Variants in MID1 observed in about 807,000 individuals in gnomAD.
The protein encoded by MID1 is E3 ubiquitin-protein ligase Midline-1.
In MID1, 7 loss-of-function variants were observed where a neutral mutation model predicts 40.4. The observed-to-expected ratio is 0.17, with a 90% CI of 0.10 to 0.33. MID1 has a LOEUF of 0.33. Among genes scored for constraint, MID1 ranks in the 10% least tolerant of loss-of-function variants. MID1 has a pLI of 1.00. For synonymous variants in MID1, 229 were observed against 221.2 expected (o/e 1.04, Z -0.31); for missense variants, 367 against 558.5 (o/e 0.66, Z 3.46).
At chrX:10,604,340 T>C (rs1192026307) in intron 1 of MID1, among the ~76,000 whole-genome samples, 1 of 111,522 alleles carries the variant, frequency 9.0e-6, no homozygotes, top group Non-Finnish European at 1.9e-5. Flanking sequence ...AAACCTGAAA[T>C]TTAAAAACAC....
At chrX:10,825,161 T>C (rs2044206853) in intron 1 of MID1, among the ~76,000 whole-genome samples, 1 of 111,943 alleles carries the variant, frequency 8.9e-6, no homozygotes, top group Non-Finnish European at 1.9e-5. Context: ...ACATAATGTG[T>C]GCCAAGAACA....
intron 1 of MID1, among the ~76,000 whole-genome samples, chrX:10,572,260 C>T (rs1219342940): frequency 1.8e-5 from 2 of 108,402 alleles, no homozygotes; most frequent in Non-Finnish European, 3.8e-5. Context: ...TCATTAATAA[C>T]AGTATCAGGC....
chrX:10,725,869 A>C (rs1337859965), intron 1 of MID1, among the ~76,000 whole-genome samples: 1 of 111,988 alleles, frequency 8.9e-6, no homozygotes, highest in Non-Finnish European at 1.9e-5. Flanking sequence ...AAAAAGAAGA[A>C]AGAAAGAAAA....
chrX:10,623,728 A>G (rs1390870804), upstream of MID1, among the ~76,000 whole-genome samples: 1 of 111,809 alleles, frequency 8.9e-6, no homozygotes, highest in Admixed American at 9.5e-5. Flanking sequence ...AATATCAGCA[A>G]TTTCACATAG....
chrX:10,472,754 T>C (rs1929782084), intron 6 of MID1, among the ~76,000 whole-genome samples: 1 of 111,661 alleles, frequency 9.0e-6, no homozygotes, highest in African/African-American at 3.3e-5. Context: ...AGCACAACAC[T>C]TGGAGGTGGA....
At chrX:10,747,762 G>A (rs907003675) in intron 1 of MID1, among the ~76,000 whole-genome samples, 2 of 111,983 alleles carry the variant, frequency 1.8e-5, no homozygotes, top group Non-Finnish European at 1.9e-5. Flanking sequence ...CCTGTTGTGT[G>A]TATTTAGAAT....
At position 10,482,491 on chromosome X, in the gene MID1, A is replaced by G; in HGVS notation, c.1002T>C (p.Asn334=). Residue 334 remains asparagine, a synonymous_variant, in exon 5 of 10, where the codon AAT becomes AAC. Transcript: ENST00000317552. ...GCCCCTGCACTCACCTCTCGGTGATATTCTTAGCAGTCTGTAGGAAACGCG... is the reference window on the plus strand; with the variant it reads ...GCCCCTGCACTCACCTCTCGGTGATGTTCTTAGCAGTCTGTAGGAAACGCG... The part of the protein sequence containing the change: ...DHARFLQTAK[N]ITERVSMATA... 1.7e-6 allele frequency: 2 copies of G among 1,210,739 alleles called. No individual in the cohort carries two copies. Among genetic ancestry groups the G allele is most frequent in the East Asian group, 3.0e-5 (1 of 33,829 alleles).
At chrX:10,641,597 G>A in intron 1 of MID1, among the ~76,000 whole-genome samples, 1 of 111,833 alleles carries the variant, frequency 8.9e-6, no homozygotes, top group Admixed American at 9.5e-5. Flanking sequence ...ACAAAGAGGA[G>A]CTAGTACCAT....
chrX:10,754,299 G>GTTTTTTT (rs1268373586), intron 1 of MID1, among the ~76,000 whole-genome samples: 3 of 102,172 alleles, frequency 2.9e-5, no homozygotes, highest in Admixed American at 1.0e-4. Context: ...AGACAAGAGA[G>GTTTTTTT]TTTTTTTTTG....
chrX:10,491,295 G>A (rs1930936351), intron 4 of MID1, among the ~76,000 whole-genome samples: 1 of 111,509 alleles, frequency 9.0e-6, no homozygotes, highest in Admixed American at 9.5e-5. Context: ...GTTCTTGTTT[G>A]TTTCCTGTTT....
chrX:10,523,199 A>C lies in MID1; in HGVS notation c.661-12T>G. 1 of 1,113,840 alleles carries C rather than the reference A, an allele frequency of 9.0e-7. No individual in the cohort carries two copies. The highest frequency in any genetic ancestry group is 1.2e-6 in the Non-Finnish European group (1 of 811,470). 91.8% of individuals were successfully genotyped at this position (1,113,840 alleles called of 1,213,427 possible). On this transcript the variant is annotated splice_polypyrimidine_tract_variant and intron_variant, in intron 2 of 9. Transcript: ENST00000317552. ...CTCTCTAAGTTTTGCTGTTCAAAAA[A>C]AAAAAAAAAAGAGGAAAAATATTAT...
At chrX:10,450,526 T>G (rs1205163998) in intron 9 of MID1, among the ~76,000 whole-genome samples, 1 of 112,620 alleles carries the variant, frequency 8.9e-6, no homozygotes, top group Non-Finnish European at 1.9e-5. Context: ...TTTATTATTA[T>G]TGCCTGATGG....
At chrX:10,830,197 A>C (rs2044244408) in intron 1 of MID1, among the ~76,000 whole-genome samples, 1 of 112,170 alleles carries the variant, frequency 8.9e-6, no homozygotes, top group Non-Finnish European at 1.9e-5. Context: ...TTACTTGTTC[A>C]TTGCCCACCA....
At chrX:10,686,174 TTGAGAGCTGA>T (rs2043096522) in intron 1 of MID1, among the ~76,000 whole-genome samples, 1 of 111,409 alleles carries the variant, frequency 9.0e-6, no homozygotes, top group Admixed American at 9.6e-5. Context: ...GTCTGTGATC[TTGAGAGCTGA>T]TGGTGGTGCT....
upstream of MID1, among the ~76,000 whole-genome samples, chrX:10,625,317 T>C (rs1935984551): frequency 8.9e-6 from 1 of 112,217 alleles, no homozygotes; most frequent in Non-Finnish European, 1.9e-5. Context: ...AGTCAACTGA[T>C]TGTAGATATT....
At chrX:10,636,236 G>A (rs1936108004) in intron 1 of MID1, among the ~76,000 whole-genome samples, 2 of 111,809 alleles carry the variant, frequency 1.8e-5, no homozygotes, top group Non-Finnish European at 3.8e-5. Context: ...GAAAAATGAA[G>A]AAAAATTAGC....
intron 4 of MID1, among the ~76,000 whole-genome samples, chrX:10,490,695 C>T (rs932995841): frequency 5.4e-5 from 6 of 112,059 alleles, no homozygotes. Context: ...CAAGATCATA[C>T]ACTCTACATA....
At chrX:10,675,472 G>T (rs979028494) in intron 1 of MID1, among the ~76,000 whole-genome samples, 18 of 110,848 alleles carry the variant, frequency 1.6e-4, no homozygotes, top group Admixed American at 9.7e-4. Context: ...GTCCATCACA[G>T]AAACAACAGC....
chrX:10,455,202 GCCT>G, intron 8 of MID1, 125 bp from the exon 9 acceptor site: 1 of 550,134 alleles, frequency 1.8e-6, no homozygotes, highest in Admixed American at 2.6e-5. Flanking sequence ...CCTGAGTCAT[GCCT>G]CCTATCACAA....
Sources: gnomAD v4.1 joint callset for allele counts (sites outside exome capture counted in the v4.1 genomes callset) on GRCh38, gnomAD v4.1.1 for gene constraint, MANE v1.5 for transcripts, NCBI Gene and HGNC (gene_info 2026-07-23, HGNC 2026-07-21) for gene names.